Variants in GANC observed in about 807,000 individuals in gnomAD.
GANC encodes the protein neutral alpha-glucosidase C.
Under a neutral mutation model 124.2 loss-of-function variants are expected in GANC, and 117 were observed. That is an observed-to-expected ratio of 0.94 (90% CI 0.81 to 1.10). The LOEUF (loss-of-function observed/expected upper bound fraction) is 1.10. Among genes scored for constraint, GANC ranks in the 50% least tolerant of loss-of-function variants. The probability of loss-of-function intolerance (pLI) is 0.00; values close to 1 mark genes in which losing one functional copy is unlikely to be tolerated. For synonymous variants in GANC, 377 were observed against 376.8 expected (o/e 1.00, Z -0.01); for missense variants, 1,140 against 1,095.0 (o/e 1.04, Z -0.58).
chr15:42,333,149 G>A (rs1203271507), intron 15 of GANC, among the ~76,000 whole-genome samples: 1 of 151,428 alleles, frequency 6.6e-6, no homozygotes, highest in Non-Finnish European at 1.5e-5. Context: ...GCAACATGGT[G>A]AAACCCTGTC....
chr15:42,310,508 A>G, intron 9 of GANC, 45 bp downstream of exon 9: 1 of 1,535,842 alleles, frequency 6.5e-7, no homozygotes, highest in South Asian at 1.2e-5. Flanking sequence ...AAGAAGAAAC[A>G]AAACCACTGC....
chr15:42,350,981 C>T (rs781485850), intron 22 of GANC, among the ~76,000 whole-genome samples: 3 of 151,996 alleles, frequency 2.0e-5, no homozygotes, highest in Non-Finnish European at 2.9e-5. Context: ...GGGGGATTCT[C>T]GTGTCTCAGC....
chr15:42,274,619 C>G (rs2051638016), intron 1 of GANC, 109 bp downstream of exon 1: 2 of 1,097,344 alleles, frequency 1.8e-6, no homozygotes, highest in South Asian at 1.5e-5. Flanking sequence ...TGACCTTTAT[C>G]TTTTCTCTCA....
intron 2 of GANC, among the ~76,000 whole-genome samples, chr15:42,277,607 A>T (rs1439307684): frequency 6.6e-6 from 1 of 151,496 alleles, no homozygotes; most frequent in Admixed American, 6.6e-5. Flanking sequence ...TTTTATTTTT[A>T]TGCATTTTTT....
chr15:42,341,494 G>A (rs2052329047), intron 18 of GANC, among the ~76,000 whole-genome samples: 1 of 151,880 alleles, frequency 6.6e-6, no homozygotes, highest in South Asian at 2.1e-4. Flanking sequence ...AATTTTACCA[G>A]CTTAGTAGCA....
At chr15:42,321,251 A>T (rs2052154290) in intron 10 of GANC, among the ~76,000 whole-genome samples, 1 of 152,116 alleles carries the variant, frequency 6.6e-6, no homozygotes, top group South Asian at 2.1e-4. Context: ...CAAGATTCAG[A>T]ATTCCTAACC....
chr15:42,281,261 CAT>C, intron 3 of GANC: 1 of 624,328 alleles, frequency 1.6e-6, no homozygotes, highest in Non-Finnish European at 2.9e-6. Flanking sequence ...TCCTCCTTGT[CAT>C]GTGGTGTTGA....
At position 42,352,154 on chromosome 15, in the gene GANC, T is replaced by A. The variant is rs1431632373; in HGVS notation, c.*15T>A. On this transcript the variant is annotated 3_prime_UTR_variant, in exon 24 of 24. Coordinates refer to ENST00000318010, the MANE Select transcript of GANC (RefSeq NM_198141.3). ...GCATCATATGACAAAGAACTGCCCC[T>A]GGTGATGTGAGCAGGGACCTGCCTG... is the stretch of plus-strand genomic sequence containing the variant. The A allele has an allele frequency of 6.2e-7, 1 of 1,614,076 alleles. No individual in the cohort carries two copies. The highest frequency in any genetic ancestry group is 8.5e-7 in the Non-Finnish European group (1 of 1,179,966).
intron 8 of GANC, among the ~76,000 whole-genome samples, chr15:42,308,718 C>T (rs971377192): frequency 6.6e-5 from 10 of 152,174 alleles, no homozygotes; most frequent in Non-Finnish European, 1.5e-4. Context: ...AACTCCTGAC[C>T]TTGTGATTCA....
chr15:42,321,276 C>T (rs2052154526), intron 10 of GANC, among the ~76,000 whole-genome samples: 1 of 152,130 alleles, frequency 6.6e-6, no homozygotes, highest in South Asian at 2.1e-4. Context: ...TTACAGGGCC[C>T]TTGACAATCT....
Position 42,287,755 on chromosome 15 carries a change from A to G in GANC, c.266A>G (p.Glu89Gly), listed in dbSNP as rs761500028. The G allele has an allele frequency of 1.2e-5, 19 of 1,613,304 alleles. No individual in the cohort carries two copies. In the East Asian group the frequency reaches 4.0e-4, roughly 34 times the overall value. ...GNIFRLKINE[E>G]TPLKPRFEVP... The stretch of plus-strand genomic sequence containing the variant: ...ATTTTCAGGCTTAAAATTAATGAAG[A>G]GACTCCTCTAAAACCCAGATTTGAA... The change falls in exon 4 of 24, where the codon GAG (glutamate) becomes GGG (glycine). Residue 89 changes from glutamate to glycine, a missense_variant. Glu to Gly is a moderately conservative substitution (Grantham distance 98). Coordinates refer to ENST00000318010, the MANE Select transcript of GANC (RefSeq NM_198141.3).
chr15:42,329,473 A>G lies in GANC; in HGVS notation c.1644+24A>G, dbSNP rs1158171815. The G allele has an allele frequency of 1.9e-6, 3 of 1,594,778 alleles. No individual in the cohort carries two copies. The South Asian group carries it at 3.4e-5, about 18-fold the overall frequency. ...ATGTAAGACATCCAAAAAGAATTAA[A>G]CTGGGCTTGTGTGACCCACCTTTTG... is the stretch of plus-strand genomic sequence containing the variant. On this transcript the variant is annotated intron_variant, in intron 14 of 23. Coordinates refer to ENST00000318010, the MANE Select transcript of GANC (RefSeq NM_198141.3).
chr15:42,351,535 G>C (rs2052438225), intron 23 of GANC, 103 bp downstream of exon 23: 1 of 801,258 alleles, frequency 1.2e-6, no homozygotes, highest in East Asian at 2.5e-5. Flanking sequence ...CTGAGCCTGA[G>C]TGTGTGCTTT....
At chr15:42,292,685 C>T (rs377626551) in intron 4 of GANC, 50 bp from the exon 5 acceptor site, 15 of 1,535,892 alleles carry the variant, frequency 9.8e-6, no homozygotes, top group East Asian at 2.3e-5. Flanking sequence ...TCACATAGGG[C>T]CATGTAAACC....
chr15:42,295,763 A>G (rs2051885836), intron 5 of GANC, among the ~76,000 whole-genome samples: 1 of 152,074 alleles, frequency 6.6e-6, no homozygotes, highest in African/African-American at 2.4e-5. Context: ...TCACTACTCC[A>G]TCCTAACAAT....
chr15:42,339,221 A>G (rs2052308480), intron 16 of GANC, among the ~76,000 whole-genome samples: 1 of 151,648 alleles, frequency 6.6e-6, no homozygotes, highest in African/African-American at 2.4e-5. Context: ...ACTTCTGATT[A>G]TCTGCTTCTC....
At chr15:42,336,756 G>C (rs189554270) in intron 15 of GANC, among the ~76,000 whole-genome samples, 2 of 152,132 alleles carry the variant, frequency 1.3e-5, no homozygotes, top group Non-Finnish European at 2.9e-5. Context: ...CTAATATCCA[G>C]CATCTATAAG....
At chr15:42,351,164 G>A (rs1362233481) in intron 22 of GANC, among the ~76,000 whole-genome samples, 165 bp from the exon 23 acceptor site, 1 of 152,160 alleles carries the variant, frequency 6.6e-6, no homozygotes, top group Non-Finnish European at 1.5e-5. Context: ...GAGCCACCGT[G>A]CCTGGGTCTT....
At chr15:42,327,154 G>A (rs934066885) in intron 12 of GANC, among the ~76,000 whole-genome samples, 3 of 152,112 alleles carry the variant, frequency 2.0e-5, no homozygotes, top group Non-Finnish European at 4.4e-5. Flanking sequence ...CATTCCCCTG[G>A]GCTTCTGGTA....
Sources: allele counts gnomAD v4.1 joint callset (sites outside exome capture counted in the v4.1 genomes callset), GRCh38; gene constraint gnomAD v4.1.1; transcripts MANE v1.5; gene names NCBI Gene and HGNC (gene_info 2026-07-23, HGNC 2026-07-21).